SRPK2: variants seen among roughly 807,000 people sequenced by gnomAD.
The protein encoded by SRPK2 is SRSF protein kinase 2.
SRPK2 carries 21 observed loss-of-function variants against 90.8 expected under a neutral mutation model. That is an observed-to-expected ratio of 0.23 (90% CI 0.16 to 0.33). SRPK2 has a LOEUF of 0.33. Among genes scored for constraint, SRPK2 ranks in the 10% least tolerant of loss-of-function variants. The pLI, the probability that SRPK2 is intolerant of heterozygous loss-of-function variation, is 1.00. For synonymous variants in SRPK2, 288 were observed against 311.1 expected (o/e 0.93, Z 0.78); for missense variants, 620 against 869.0 (o/e 0.71, Z 3.60).
chr7:105,328,865 CAAAA>C (rs527900668), intron 2 of SRPK2, among the ~76,000 whole-genome samples: 1 of 64,212 alleles, frequency 1.6e-5, no homozygotes. Context: ...ACTCTGTCTC[CAAAA>C]AAAAAAAAAA....
intron 2 of SRPK2, among the ~76,000 whole-genome samples, chr7:105,353,191 G>C (rs1359130525): frequency 6.6e-6 from 1 of 152,200 alleles, no homozygotes; most frequent in African/African-American, 2.4e-5. Flanking sequence ...TAGCACAGTT[G>C]TAAGCTTCGA....
chr7:105,376,907 A>ACG (rs1406237716), intron 2 of SRPK2, among the ~76,000 whole-genome samples: 1 of 143,166 alleles, frequency 7.0e-6, no homozygotes, highest in Non-Finnish European at 1.5e-5. Context: ...ACACACACAC[A>ACG]CACTAAAAAG....
chr7:105,299,173 T>A (rs1810220708), intron 2 of SRPK2, among the ~76,000 whole-genome samples: 1 of 152,238 alleles, frequency 6.6e-6, no homozygotes, highest in African/African-American at 2.4e-5. Context: ...ATGGCCTGCA[T>A]GGAGGTGGGG....
chr7:105,365,003 T>G (rs188760746), intron 2 of SRPK2, among the ~76,000 whole-genome samples: 1 of 152,320 alleles, frequency 6.6e-6, no homozygotes, highest in East Asian at 1.9e-4. Flanking sequence ...GGTTCAAGGT[T>G]AGCAGCTTTA....
intron 2 of SRPK2, among the ~76,000 whole-genome samples, chr7:105,368,245 A>C (rs1180981044): frequency 1.3e-5 from 2 of 152,152 alleles, no homozygotes; most frequent in Non-Finnish European, 2.9e-5. Flanking sequence ...TTTTTAGAAA[A>C]ACTGTTTTCC....
chr7:105,123,740 C>T (rs534879317), intron 15 of SRPK2, among the ~76,000 whole-genome samples: 1 of 152,238 alleles, frequency 6.6e-6, no homozygotes, highest in Admixed American at 6.5e-5. Flanking sequence ...CTGTAAAAAC[C>T]CTAAATCCCT....
At chr7:105,128,355 T>C (rs1801502966) in intron 13 of SRPK2, among the ~76,000 whole-genome samples, 1 of 152,140 alleles carries the variant, frequency 6.6e-6, no homozygotes, top group Non-Finnish European at 1.5e-5. Flanking sequence ...CCCAGCACTG[T>C]GGATGCACGA....
chr7:105,234,846 A>T (rs957898987), intron 2 of SRPK2, among the ~76,000 whole-genome samples: 1 of 152,258 alleles, frequency 6.6e-6, no homozygotes, highest in Non-Finnish European at 1.5e-5. Context: ...CATCACAGAC[A>T]TGGAGAAGAT....
chr7:105,160,644 G>T lies in SRPK2; in HGVS notation c.515-31C>A, dbSNP rs766859193. The T allele has an allele frequency of 3.0e-6, 4 of 1,349,000 alleles. No homozygotes were observed. The East Asian group carries it at 6.9e-5, about 23-fold the overall frequency. 83.6% of individuals were successfully genotyped at this position (1,349,000 alleles called of 1,614,324 possible). On this transcript the variant is annotated intron_variant, in intron 6 of 15. Transcript: ENST00000393651. The stretch of plus-strand genomic sequence containing the variant: ...ACACAGTTAAGGATCGTTTGTGGAT[G>T]CACTGCCTGGAGTGAGGCAGTTATT...
At chr7:105,228,207 T>C (rs1159150580) in intron 2 of SRPK2, among the ~76,000 whole-genome samples, 1 of 152,044 alleles carries the variant, frequency 6.6e-6, no homozygotes, top group Non-Finnish European at 1.5e-5. Context: ...TAATTTCATA[T>C]GAAAAAAAGT....
intron 13 of SRPK2, among the ~76,000 whole-genome samples, chr7:105,132,442 A>G (rs1562964179): frequency 6.6e-6 from 1 of 152,188 alleles, no homozygotes; most frequent in Non-Finnish European, 1.5e-5. Context: ...GTGTGAGTGA[A>G]GGGAAAAGCT....
intron 2 of SRPK2, among the ~76,000 whole-genome samples, chr7:105,308,447 G>T (rs1165509137): frequency 6.6e-6 from 1 of 152,050 alleles, no homozygotes; most frequent in East Asian, 1.9e-4. Flanking sequence ...CTCTTATTTA[G>T]GGCAACCAAC....
Position 105,332,320 on chromosome 7 carries a change from A to G in SRPK2, c.71+56328T>C, listed in dbSNP as rs557898268. On this transcript the variant is annotated intron_variant, in intron 2 of 15. Coordinates refer to ENST00000393651, the MANE Select transcript of SRPK2 (RefSeq NM_182692.3). Reference sequence around the variant, plus strand: ...TGCTCTTTCTAAAAGACAATCTGAAAATAATGATAGAAACTAGCATTGCTC... The same window carrying G: ...TGCTCTTTCTAAAAGACAATCTGAAGATAATGATAGAAACTAGCATTGCTC... Among the ~76,000 whole-genome samples the G allele has an allele frequency of 1.9e-3, 297 of 152,350 alleles. 2 individuals carry two copies. Among genetic ancestry groups the G allele is most frequent in the African/African-American group, 6.6e-3 (273 of 41,586 alleles).
intron 2 of SRPK2, among the ~76,000 whole-genome samples, chr7:105,375,290 T>A (rs578248751): frequency 7.9e-5 from 12 of 152,278 alleles, no homozygotes; most frequent in African/African-American, 2.9e-4. Context: ...AAATATCATC[T>A]TAATGAAAAA....
chr7:105,190,082 G>A (rs112896945), intron 3 of SRPK2, among the ~76,000 whole-genome samples: 1 of 152,140 alleles, frequency 6.6e-6, no homozygotes, highest in Non-Finnish European at 1.5e-5. Context: ...GCACCAGCAG[G>A]AGCAGGCCAG....
At chr7:105,181,988 G>A (rs1215891265) in intron 3 of SRPK2, among the ~76,000 whole-genome samples, 2 of 151,656 alleles carry the variant, frequency 1.3e-5, no homozygotes, top group African/African-American at 2.4e-5. Flanking sequence ...CAGCACTTTC[G>A]GGGGCCAAGG....
At chr7:105,217,076 C>T (rs765497057) in intron 2 of SRPK2, among the ~76,000 whole-genome samples, 3 of 152,202 alleles carry the variant, frequency 2.0e-5, no homozygotes, top group South Asian at 2.1e-4. Flanking sequence ...ACATTACGCA[C>T]GATACTGCTA....
chr7:105,203,752 A>G lies in SRPK2; in HGVS notation c.105T>C (p.Pro35=). The G allele has an allele frequency of 6.2e-7, 1 of 1,601,478 alleles. No individual in the cohort carries two copies. Residue 35 remains proline, a synonymous_variant, in exon 3 of 16, where the codon CCT becomes CCC. Coordinates refer to ENST00000393651, the MANE Select transcript of SRPK2 (RefSeq NM_182692.3). ...GTGGTGGTGGTGGCGGTGGAGGAGGAGGAACTAAAGGAGCTTTCTGTTGAG... is the reference window on the plus strand; with the variant it reads ...GTGGTGGTGGTGGCGGTGGAGGAGGGGGAACTAAAGGAGCTTTCTGTTGAG... ...PEPQQKAPLV[P]PPPPPPPPPP... is the part of the protein sequence containing the mutation.
intron 2 of SRPK2, among the ~76,000 whole-genome samples, chr7:105,351,835 GAAGA>G (rs1416008933): frequency 1.4e-5 from 2 of 147,274 alleles, no homozygotes; most frequent in Non-Finnish European, 3.0e-5. Context: ...AGAAGAAGAA[GAAGA>G]AATAAATAAC....
Sources: gnomAD v4.1 joint callset for allele counts (sites outside exome capture counted in the v4.1 genomes callset) on GRCh38, gnomAD v4.1.1 for gene constraint, MANE v1.5 for transcripts, NCBI Gene and HGNC (gene_info 2026-07-23, HGNC 2026-07-21) for gene names.